STX8: variants seen among roughly 807,000 people sequenced by gnomAD.
The protein encoded by STX8 is syntaxin-8.
In STX8, 23 loss-of-function variants were observed where a neutral mutation model predicts 37.5. The observed-to-expected ratio is 0.61, with a 90% CI of 0.44 to 0.87. The LOEUF (loss-of-function observed/expected upper bound fraction) is 0.87. Ranked by LOEUF, STX8 falls within the 40% of genes least tolerant of loss-of-function variation. STX8 has a pLI of 0.00. For missense variants in STX8, 313 were observed against 284.7 expected (o/e 1.10, Z -0.71); for synonymous variants, 115 against 99.1 (o/e 1.16, Z -0.95).
chr17:9,494,923 G>A (rs1398353896), intron 5 of STX8, among the ~76,000 whole-genome samples: 2 of 152,072 alleles, frequency 1.3e-5, no homozygotes, highest in Admixed American at 1.3e-4. Flanking sequence ...CACGGAACAC[G>A]CCGCATGAAG....
At chr17:9,480,874 A>ATTTCTTTCTTTCTTTCTTTCTTTCTTTC (rs1035617720) in intron 6 of STX8, among the ~76,000 whole-genome samples, 2 of 151,022 alleles carry the variant, frequency 1.3e-5, no homozygotes, top group African/African-American at 4.9e-5. Flanking sequence ...TCCTATGCCA[A>ATTTCTTTCTTTCTTTCTTTCTTTCTTTC]TTTCTTTCTT....
At chr17:9,334,864 C>T (rs1239752912) in intron 7 of STX8, among the ~76,000 whole-genome samples, 1 of 152,168 alleles carries the variant, frequency 6.6e-6, no homozygotes, top group East Asian at 1.9e-4. Flanking sequence ...ACAGTGAGTT[C>T]TAAATTTCCC....
chr17:9,295,928 T>A (rs573276492), intron 7 of STX8, among the ~76,000 whole-genome samples: 1 of 150,162 alleles, frequency 6.7e-6, no homozygotes, highest in Non-Finnish European at 1.5e-5. Context: ...CAGTGGCTCA[T>A]GCCTGTAATC....
intron 6 of STX8, among the ~76,000 whole-genome samples, chr17:9,389,365 C>A (rs1385509400): frequency 6.6e-6 from 1 of 152,218 alleles, no homozygotes; most frequent in Non-Finnish European, 1.5e-5. Flanking sequence ...GACTGTAGAG[C>A]CTCCAAAGAG....
chr17:9,490,902 G>A (rs75591155), intron 6 of STX8, among the ~76,000 whole-genome samples: 4,512 of 152,220 alleles, frequency 0.03, 246 homozygotes, highest in African/African-American at 0.1. Flanking sequence ...CCTCTCACAC[G>A]AGGAGGGTGC....
intron 4 of STX8, among the ~76,000 whole-genome samples, chr17:9,521,057 T>A (rs1905321490): frequency 6.6e-6 from 1 of 152,212 alleles, no homozygotes; most frequent in Admixed American, 6.5e-5. Context: ...TTTTCAGAAC[T>A]TTTTTTGGTA....
chr17:9,511,563 A>C (rs1016576412), intron 4 of STX8, among the ~76,000 whole-genome samples: 1 of 152,046 alleles, frequency 6.6e-6, no homozygotes, highest in Non-Finnish European at 1.5e-5. Flanking sequence ...TCAATTAAAA[A>C]CTCTCAATAA....
intron 6 of STX8, among the ~76,000 whole-genome samples, chr17:9,488,817 AGAGAGTGTGTGTGTGT>A (rs1262359968): frequency 2.3e-5 from 2 of 88,082 alleles, no homozygotes; most frequent in Non-Finnish European, 5.0e-5. Flanking sequence ...AGAGAGAGAG[AGAGAGTGTGTGTGTGT>A]GTGTGTGTGT....
intron 7 of STX8, among the ~76,000 whole-genome samples, chr17:9,348,905 C>T (rs1247058291): frequency 6.6e-6 from 1 of 152,170 alleles, no homozygotes; most frequent in Non-Finnish European, 1.5e-5. Flanking sequence ...ATGGAGGACG[C>T]GTTCCAAGAC....
At chr17:9,564,560 C>A (rs2151917703) in intron 2 of STX8, among the ~76,000 whole-genome samples, 1 of 152,262 alleles carries the variant, frequency 6.6e-6, no homozygotes, top group South Asian at 2.1e-4. Flanking sequence ...TTCCTGTACA[C>A]CAACAGTCAA....
chr17:9,372,757 T>C (rs1485581161), intron 7 of STX8, among the ~76,000 whole-genome samples: 1 of 146,314 alleles, frequency 6.8e-6, no homozygotes, highest in Non-Finnish European at 1.5e-5. Context: ...ATTACAGGCA[T>C]GAGCCACCAC....
intron 4 of STX8, among the ~76,000 whole-genome samples, chr17:9,506,918 T>TC (rs1904859546): frequency 6.6e-6 from 1 of 151,954 alleles, no homozygotes; most frequent in Admixed American, 6.6e-5. Flanking sequence ...GCACTGGGAC[T>TC]CCATTTTCAT....
chr17:9,334,688 G>A (rs1004176326), intron 7 of STX8, among the ~76,000 whole-genome samples: 1 of 152,152 alleles, frequency 6.6e-6, no homozygotes, highest in Non-Finnish European at 1.5e-5. Context: ...CACAGACTAG[G>A]CATCTATCAA....
At chr17:9,262,630 A>G (rs1023426011) in intron 7 of STX8, among the ~76,000 whole-genome samples, 3 of 151,542 alleles carry the variant, frequency 2.0e-5, no homozygotes, top group Non-Finnish European at 2.9e-5. Flanking sequence ...TCGCCAGGCT[A>G]GAGTGCAGTG....
chr17:9,421,494 T>A (rs1316585692), intron 6 of STX8, among the ~76,000 whole-genome samples: 1 of 150,842 alleles, frequency 6.6e-6, no homozygotes, highest in Non-Finnish European at 1.5e-5. Flanking sequence ...TAATACAATG[T>A]AGCAGAATAC....
chr17:9,384,418 C>T (rs368115142), intron 6 of STX8, among the ~76,000 whole-genome samples: 1 of 152,144 alleles, frequency 6.6e-6, no homozygotes, highest in Non-Finnish European at 1.5e-5. Flanking sequence ...GCGGGTGGAT[C>T]ATGAGGTCAG....
chr17:9,393,673 A>T (rs1422040149), intron 6 of STX8, among the ~76,000 whole-genome samples: 2 of 152,220 alleles, frequency 1.3e-5, no homozygotes, highest in African/African-American at 4.8e-5. Context: ...CACTAAAACA[A>T]TCTATACAAA....
intron 4 of STX8, among the ~76,000 whole-genome samples, chr17:9,538,849 A>G (rs1402253774): frequency 6.6e-6 from 1 of 152,096 alleles, no homozygotes; most frequent in East Asian, 1.9e-4. Context: ...GCAGTGGAGT[A>G]TGCAATGGTT....
chr17:9,509,330 T>G (rs908920677), intron 4 of STX8, among the ~76,000 whole-genome samples: 2 of 151,940 alleles, frequency 1.3e-5, no homozygotes, highest in African/African-American at 4.8e-5. Context: ...CCCATTAGAC[T>G]AATAGCAGAT....
Sources: gnomAD v4.1 joint callset for allele counts (sites outside exome capture counted in the v4.1 genomes callset) on GRCh38, gnomAD v4.1.1 for gene constraint, MANE v1.5 for transcripts, NCBI Gene and HGNC (gene_info 2026-07-23, HGNC 2026-07-21) for gene names.